The following MCF2L2 variants were observed in gnomAD, a reference collection of about 807,000 sequenced individuals.
The protein encoded by MCF2L2 is probable guanine nucleotide exchange factor MCF2L2.
A neutral mutation model predicts 150.2 loss-of-function variants in MCF2L2; 102 were observed. The ratio of observed to expected loss-of-function variants is 0.68; its 90% confidence interval spans 0.58 to 0.80. The LOEUF is 0.80. MCF2L2 is among the 30% of genes least tolerant of loss of function. MCF2L2 has a pLI of 0.00. For synonymous variants in MCF2L2, 465 were observed against 491.3 expected (o/e 0.95, Z 0.71); for missense variants, 1,256 against 1,372.8 (o/e 0.91, Z 1.34).
chr3:183,409,805 C>T (rs2108620737), intron 1 of MCF2L2, among the ~76,000 whole-genome samples: 1 of 152,254 alleles, frequency 6.6e-6, no homozygotes, highest in Non-Finnish European at 1.5e-5. Flanking sequence ...ATCCAGCCAC[C>T]TTGGCTTCCC....
In MCF2L2 at chr3:183,179,374, G is replaced by A; in HGVS notation, c.*6C>T. 2 of 1,465,960 alleles carry A rather than the reference G, an allele frequency of 1.4e-6. No individual in the cohort carries two copies. The highest frequency in any genetic ancestry group is 1.4e-5 in the South Asian group (1 of 73,508). 90.8% of individuals were successfully genotyped at this position (1,465,960 alleles called of 1,614,324 possible). ...GAGCCGAGGAGCGGGGGCGTCCGCA[G>A]GGAGGTCAGCTCTCCTGGGCGGAGG... On this transcript the variant is annotated 3_prime_UTR_variant, in exon 30 of 30. Coordinates refer to ENST00000328913, the MANE Select transcript of MCF2L2 (RefSeq NM_015078.4). This position sits in a 1 kb window ranked among gnomAD's most constrained non-coding sequence, Gnocchi z 4.2.
chr3:183,178,661 A>AT lies in MCF2L2; in HGVS notation c.*718_*719insA, dbSNP rs1373413471. ...AGAAAGCTACAAAGAAATGAAAATC[A>AT]ACTAATAAAACTAAAAATAAAATAC... is the stretch of plus-strand genomic sequence containing the variant. On this transcript the variant is annotated 3_prime_UTR_variant, in exon 30 of 30. Coordinates refer to ENST00000328913, the MANE Select transcript of MCF2L2 (RefSeq NM_015078.4). 6 of 152,258 alleles carry AT rather than the reference A, an allele frequency of 3.9e-5. No individual in the cohort carries two copies. Among genetic ancestry groups the AT allele is most frequent in the Non-Finnish European group, 7.3e-5 (5 of 68,044 alleles). 9.4% of individuals were successfully genotyped at this position (152,258 alleles called of 1,614,324 possible).
intron 23 of MCF2L2, among the ~76,000 whole-genome samples, chr3:183,206,910 AAAGAAAGGAAGG>A (rs1369141693): frequency 1.4e-5 from 2 of 143,626 alleles, no homozygotes; most frequent in Non-Finnish European, 3.0e-5. Flanking sequence ...AGACAGAAAG[AAAGAAAGGAAGG>A]AAGGAAGGAA....
At chr3:183,300,591 AC>A (rs1420997865) in intron 10 of MCF2L2, among the ~76,000 whole-genome samples, 3 of 152,216 alleles carry the variant, frequency 2.0e-5, no homozygotes, top group Non-Finnish European at 4.4e-5. Context: ...GATTTTGAAT[AC>A]CCCTATTAAC....
rs780543952 is a variant in MCF2L2, at chr3:183,205,894, G to T, written c.2866C>A (p.Gln956Lys). The change falls in exon 25 of 30, where the codon CAA becomes AAA. Residue 956 changes from glutamine (Q) to lysine (K), a missense_variant. Coordinates refer to ENST00000328913, the MANE Select transcript of MCF2L2 (RefSeq NM_015078.4). ...FSEISKLLME[Q>K]QNNIKDQGNP... ...AACCTACCTTTGATATTATTTTGTT[G>T]TTCCATCAATAATTTACTTATTTCT... The T allele has an allele frequency of 6.2e-7, 1 of 1,613,622 alleles. No individual in the cohort carries two copies. The highest frequency in any genetic ancestry group is 8.5e-7 in the Non-Finnish European group (1 of 1,179,592).
chr3:183,361,833 G>C (rs535870381), intron 3 of MCF2L2, among the ~76,000 whole-genome samples: 12 of 152,196 alleles, frequency 7.9e-5, no homozygotes, highest in Admixed American at 2.6e-4. Flanking sequence ...TGTAAGTTCA[G>C]ATTCAAGAAT....
intron 15 of MCF2L2, among the ~76,000 whole-genome samples, chr3:183,249,568 C>A (rs535069840): frequency 2.6e-5 from 4 of 152,188 alleles, no homozygotes; most frequent in Admixed American, 2.0e-4. Flanking sequence ...GAGTGGCCTG[C>A]GGGTGAGTGC....
chr3:183,276,826 G>GCC (rs1560397320), intron 15 of MCF2L2, 46 bp downstream of exon 15: 2 of 1,369,034 alleles, frequency 1.5e-6, no homozygotes, highest in Non-Finnish European at 2.1e-6. Flanking sequence ...CGCCACCCAT[G>GCC]CCCCGCACCC....
intron 3 of MCF2L2, among the ~76,000 whole-genome samples, chr3:183,368,428 C>T (rs1455490518): frequency 6.6e-6 from 1 of 152,124 alleles, no homozygotes; most frequent in Non-Finnish European, 1.5e-5. Context: ...TGAGCTACAA[C>T]AGTAGGGTTC....
At chr3:183,384,831 G>T (rs1560051076) in intron 2 of MCF2L2, among the ~76,000 whole-genome samples, 1 of 152,114 alleles carries the variant, frequency 6.6e-6, no homozygotes, top group African/African-American at 2.4e-5. Context: ...TATACTCTTT[G>T]GAGTATATTC....
At chr3:183,349,506 G>C (rs1042810675) in intron 3 of MCF2L2, among the ~76,000 whole-genome samples, 4 of 152,148 alleles carry the variant, frequency 2.6e-5, no homozygotes, top group African/African-American at 9.7e-5. Context: ...GATCATAGGG[G>C]ACACAGAATG....
rs1270146035 is a variant in MCF2L2 at position 183,428,163 on chromosome 3, G to A, written c.-186C>T. ...CTCTCCCTCGCCACGCCCCGCGGGG[G>A]CTCCCGTGACAGACCAAGTCTGGCG... On this transcript the variant is annotated 5_prime_UTR_variant, in exon 1 of 30. Transcript: ENST00000328913. This position sits in a 1 kb window ranked among gnomAD's most constrained non-coding sequence, Gnocchi z 5.1. 3.4e-6 allele frequency: 2 copies of A among 586,838 alleles called. No homozygotes were observed. Among genetic ancestry groups the A allele is most frequent in the Non-Finnish European group, 3.0e-6 (1 of 331,682 alleles). The allele number at this position is 586,838 out of a possible 1,614,324, so 36.4% of individuals were successfully genotyped here. A position where few individuals can be genotyped will look rare whatever the true frequency, so the allele number is the denominator to read the frequency against.
At chr3:183,187,271 C>T (rs1721731942) in intron 27 of MCF2L2, among the ~76,000 whole-genome samples, 1 of 152,140 alleles carries the variant, frequency 6.6e-6, no homozygotes, top group Non-Finnish European at 1.5e-5. Context: ...AGGTACCCGA[C>T]GAGGGACCTG....
At position 183,297,135 on chromosome 3, in the gene MCF2L2, G is replaced by A; in HGVS notation, c.1338C>T (p.Leu446=). 4 of 1,614,074 alleles carry A rather than the reference G, an allele frequency of 2.5e-6. No homozygotes were observed. Among genetic ancestry groups the A allele is most frequent in the South Asian group, 2.2e-5 (2 of 91,082 alleles). ...ACTTGTCTACAGCTTGGGAAGCCAA[G>A]AGGTAGATTCCTGCCTCACACCATT... ...VSQWCEAGIY[L]LASQAVDKCQ... Residue 446 remains leucine (L), a synonymous_variant, in exon 12 of 30, where the codon CTC becomes CTT. Transcript: ENST00000328913.
intron 10 of MCF2L2, among the ~76,000 whole-genome samples, chr3:183,304,939 A>G (rs767614107): frequency 1.3e-5 from 2 of 152,244 alleles, no homozygotes; most frequent in Non-Finnish European, 2.9e-5. Context: ...CACATGTTCC[A>G]TAGCCCAGAA....
At chr3:183,180,229 T>G (rs1576901433) in intron 27 of MCF2L2, 70 bp from the exon 28 acceptor site, 1 of 997,026 alleles carries the variant, frequency 1.0e-6, no homozygotes, top group Non-Finnish European at 1.6e-6. Flanking sequence ...CATGGCAGGG[T>G]GTAGCAGGCA....
At chr3:183,194,680 T>A (rs908663468) in intron 26 of MCF2L2, among the ~76,000 whole-genome samples, 2 of 152,174 alleles carry the variant, frequency 1.3e-5, no homozygotes, top group Admixed American at 1.3e-4. Context: ...AGAAAAGATA[T>A]CCTAGCTAGC....
chr3:183,285,845 A>C (rs1264953208), intron 14 of MCF2L2, among the ~76,000 whole-genome samples: 12 of 152,204 alleles, frequency 7.9e-5, no homozygotes, highest in African/African-American at 2.7e-4. Flanking sequence ...TTTAGGAAAA[A>C]GAAATTGTCA....
intron 5 of MCF2L2, among the ~76,000 whole-genome samples, chr3:183,325,061 G>C (rs922004951): frequency 7.5e-6 from 1 of 132,484 alleles, no homozygotes; most frequent in Non-Finnish European, 1.5e-5. Flanking sequence ...GGTGGGAATT[G>C]AACAATGAGA....
Sources: gnomAD v4.1 joint callset for allele counts (sites outside exome capture counted in the v4.1 genomes callset) on GRCh38, gnomAD v4.1.1 for gene constraint, Gnocchi (gnomAD v3.1) non-coding constraint, MANE v1.5 for transcripts, NCBI Gene and HGNC (gene_info 2026-07-23, HGNC 2026-07-21) for gene names.